Variants in LTN1 observed in about 807,000 individuals in gnomAD.
LTN1 encodes listerin E3 ubiquitin protein ligase 1, also known as E3 ubiquitin-protein ligase listerin.
LTN1 carries 88 observed loss-of-function variants against 201.2 expected under a neutral mutation model. The ratio of observed to expected loss-of-function variants is 0.44; its 90% CI spans 0.37 to 0.52. The LOEUF is 0.52. Ranked by LOEUF, LTN1 falls within the 20% of genes least tolerant of loss-of-function variation. The probability of loss-of-function intolerance (pLI) is 0.00; values close to 1 mark genes in which losing one functional copy is unlikely to be tolerated. For missense variants in LTN1, 1,752 were observed against 2,038.7 expected (o/e 0.86, Z 2.71); for synonymous variants, 645 against 713.5 (o/e 0.90, Z 1.53).
chr21:28,943,468 A>C (rs2084313021), intron 23 of LTN1, 132 bp from the exon 24 acceptor site: 2 of 689,366 alleles, frequency 2.9e-6, no homozygotes, highest in African/African-American at 3.6e-5. Flanking sequence ...AATAACTACT[A>C]TAGCCAGGAC....
chr21:28,947,108 T>C (rs2084343712), intron 19 of LTN1, among the ~76,000 whole-genome samples: 1 of 152,244 alleles, frequency 6.6e-6, no homozygotes, highest in Admixed American at 6.5e-5. Flanking sequence ...TAAATGTTTA[T>C]TAAATTAATA....
chr21:28,992,031 AC>A (rs2146323639), intron 1 of LTN1, among the ~76,000 whole-genome samples: 2 of 152,340 alleles, frequency 1.3e-5, no homozygotes, highest in African/African-American at 4.8e-5. Context: ...CAAAATACTT[AC>A]GTCCTAGTGA....
chr21:28,951,443 A>AATAT (rs1315556886), intron 18 of LTN1, among the ~76,000 whole-genome samples: 1 of 152,174 alleles, frequency 6.6e-6, no homozygotes, highest in East Asian at 1.9e-4. Context: ...ACATTTCTAG[A>AATAT]ATATATTTCA....
In LTN1 at chr21:28,981,271, T is replaced by G. The variant is rs751707249; in HGVS notation, c.658A>C (p.Lys220Gln). Residue 220 changes from lysine (K) to glutamine (Q), a missense_variant, in exon 6 of 30, where the codon AAA becomes CAA. Around this residue, in one of 3 missense-constraint regions of LTN1, gnomAD observed 280 missense variants for 375.7 expected, o/e 0.75. Coordinates refer to ENST00000361371, the MANE Select transcript of LTN1 (RefSeq NM_015565.3). ...QTVPEEEREA[K>Q]FYRVVTCSLL... ...GAACAAGTTACAACCCGGTAGAATT[T>G]AGCTTCTCTTTCTTCCTCTGGAACA... The G allele has an allele frequency of 1.9e-6, 3 of 1,557,860 alleles. No individual in the cohort carries two copies. Among genetic ancestry groups the G allele is most frequent in the Non-Finnish European group, 2.6e-6 (3 of 1,161,018 alleles).
intron 16 of LTN1, among the ~76,000 whole-genome samples, chr21:28,954,927 A>C (rs2084412312): frequency 6.6e-6 from 1 of 152,226 alleles, no homozygotes; most frequent in Non-Finnish European, 1.5e-5. Flanking sequence ...AAAAACAGGC[A>C]AATAGGACTA....
In LTN1 at chr21:28,959,539, A is replaced by G; in HGVS notation, c.2512T>C (p.Leu838=). 6 of 1,614,098 alleles carry G rather than the reference A, an allele frequency of 3.7e-6. No homozygotes were observed. The highest frequency in any genetic ancestry group is 5.1e-6 in the Non-Finnish European group (6 of 1,179,982). ...AAATCTTCAGATGATGGCATTAGCA[A>G]GCATCCTTTCGCTGAGCTGAAATAG... ...YNYFSSAKGC[L]LMPSSEDLLL... Residue 838 remains leucine, a synonymous_variant, in exon 13 of 30, where the codon TTG becomes CTG. Coordinates refer to ENST00000361371, the MANE Select transcript of LTN1 (RefSeq NM_015565.3).
intron 4 of LTN1, among the ~76,000 whole-genome samples, chr21:28,982,815 A>G (rs941095800): frequency 6.6e-6 from 1 of 152,238 alleles, no homozygotes; most frequent in Admixed American, 6.5e-5. Flanking sequence ...AGTGCAAGGG[A>G]GTCCACTGTT....
chr21:28,987,968 C>T (rs575149952), intron 1 of LTN1, among the ~76,000 whole-genome samples: 6 of 151,626 alleles, frequency 4.0e-5, no homozygotes, highest in Non-Finnish European at 4.4e-5. Flanking sequence ...ATGGTGAAAC[C>T]CCATCTCTAC....
intron 9 of LTN1, among the ~76,000 whole-genome samples, chr21:28,968,323 C>T (rs2084543603): frequency 6.6e-6 from 1 of 152,170 alleles, no homozygotes; most frequent in African/African-American, 2.4e-5. Context: ...GACTATAAGT[C>T]AACATGAAAG....
chr21:28,946,030 C>T, intron 20 of LTN1, 79 bp from the exon 21 acceptor site: 1 of 1,440,524 alleles, frequency 6.9e-7, no homozygotes, highest in South Asian at 1.3e-5. Context: ...TTAAATCTTA[C>T]ATACTTATTT....
intron 18 of LTN1, among the ~76,000 whole-genome samples, chr21:28,948,575 G>A (rs866202280): frequency 2.0e-5 from 3 of 151,888 alleles, no homozygotes; most frequent in African/African-American, 7.3e-5. Context: ...TCTTTGAACT[G>A]ATATTCGTAT....
At chr21:28,965,210 GAAA>G (rs1411074618) in intron 11 of LTN1, among the ~76,000 whole-genome samples, 1 of 152,040 alleles carries the variant, frequency 6.6e-6, no homozygotes, top group African/African-American at 2.4e-5. Context: ...TATGAAAACA[GAAA>G]AATAATTTGA....
Position 28,957,513 on chromosome 21 carries a change from C to T in LTN1, c.2748-37G>A, listed in dbSNP as rs148201920. The stretch of plus-strand genomic sequence containing the variant: ...GCAGAGAACTTAACTGTTGTAGTTA[C>T]GCTATGACTAGTTTGAATACCCCAA... On this transcript the variant is annotated intron_variant, in intron 14 of 29. Transcript: ENST00000361371. The T allele has an allele frequency of 2.9e-4, 421 of 1,471,166 alleles. 1 individual carries two copies. The African/African-American group carries it at 5.3e-3, about 19-fold the overall frequency. The allele number at this position is 1,471,166 out of a possible 1,614,324, so 91.1% of individuals were successfully genotyped here. A position where few individuals can be genotyped will look rare whatever the true frequency, so the allele number is the denominator to read the frequency against.
At chr21:28,988,101 C>T (rs533799110) in intron 1 of LTN1, among the ~76,000 whole-genome samples, 2 of 138,290 alleles carry the variant, frequency 1.4e-5, no homozygotes, top group South Asian at 4.5e-4. Context: ...AAGATTGTGC[C>T]ATTGCACTCC....
At chr21:28,939,772 A>AT (rs754147328) in intron 25 of LTN1, among the ~76,000 whole-genome samples, 1 of 152,210 alleles carries the variant, frequency 6.6e-6, no homozygotes, top group African/African-American at 2.4e-5. Context: ...ATCTGCTGCT[A>AT]TTTTTTAAAG....
At chr21:28,947,666 T>C (rs2084349316) in intron 18 of LTN1, 60 bp from the exon 19 acceptor site, 2 of 1,021,252 alleles carry the variant, frequency 2.0e-6, no homozygotes, top group Non-Finnish European at 2.7e-6. Context: ...TTATTTTATA[T>C]ATTTCTTTTA....
At chr21:28,946,026 C>T (rs1265260304) in intron 20 of LTN1, 75 bp from the exon 21 acceptor site, 20 of 1,436,952 alleles carry the variant, frequency 1.4e-5, no homozygotes, top group Non-Finnish European at 1.5e-5. Flanking sequence ...TACTTTAAAT[C>T]TTACATACTT....
chr21:28,978,919 C>T (rs1316844689), intron 6 of LTN1, among the ~76,000 whole-genome samples: 3 of 152,166 alleles, frequency 2.0e-5, no homozygotes, highest in Non-Finnish European at 2.9e-5. Flanking sequence ...AGAGATATCA[C>T]CTGAATTCCT....
intron 6 of LTN1, among the ~76,000 whole-genome samples, chr21:28,976,197 C>CA (rs1468461888): frequency 1.3e-5 from 2 of 151,838 alleles, no homozygotes; most frequent in African/African-American, 2.4e-5. Flanking sequence ...ACACATCTGT[C>CA]AAAACTTAAA....
Sources: allele counts gnomAD v4.1 joint callset (sites outside exome capture counted in the v4.1 genomes callset), GRCh38; gene constraint gnomAD v4.1.1; regional missense constraint gnomAD v4.1.1; transcripts MANE v1.5; gene names NCBI Gene and HGNC (gene_info 2026-07-23, HGNC 2026-07-21).